Variants in KDM7A observed in about 807,000 individuals in gnomAD.
KDM7A encodes the protein lysine demethylase 7A.
KDM7A carries 28 observed loss-of-function variants against 114.8 expected under a neutral mutation model. That is an observed-to-expected ratio of 0.24 (90% CI 0.18 to 0.33). The LOEUF (loss-of-function observed/expected upper bound fraction) is 0.33. Among genes scored for constraint, KDM7A ranks in the 10% least tolerant of loss-of-function variants. The probability of loss-of-function intolerance (pLI) is 1.00; values close to 1 mark genes in which losing one functional copy is unlikely to be tolerated. For synonymous variants in KDM7A, 423 were observed against 397.8 expected, an observed-to-expected ratio of 1.06 and a Z score of -0.75; for missense variants, 942 against 1,142.5, an observed-to-expected ratio of 0.82 and a Z score of 2.53.
chr7:140,129,897 C>T (rs115331015), intron 3 of KDM7A, among the ~76,000 whole-genome samples: 2 of 151,910 alleles, frequency 1.3e-5, no homozygotes, highest in East Asian at 3.9e-4. Flanking sequence ...ATAAACTGGT[C>T]TAAATGCAAA....
rs570749966 is a variant in KDM7A at position 140,127,761 on chromosome 7, A to G, written c.560-178T>C. Reference sequence around the variant, plus strand: ...AGTTCAACTGGACCTTTCAGGAAAAAAGGGACATTTTTCAGAGGAAAAGGA... The same window carrying G: ...AGTTCAACTGGACCTTTCAGGAAAAGAGGGACATTTTTCAGAGGAAAAGGA... On this transcript the variant is annotated intron_variant, in intron 4 of 19. Transcript: ENST00000397560. Among the ~76,000 whole-genome samples, 3 of 152,340 alleles carry G rather than the reference A, an allele frequency of 2.0e-5. No individual in the cohort carries two copies. In the South Asian group the frequency reaches 6.2e-4, roughly 32 times the overall value.
At position 140,090,902 on chromosome 7, in the gene KDM7A, C is replaced by G. The variant is rs575936072; in HGVS notation, c.*192G>C. 32 of 561,522 alleles carry G rather than the reference C, an allele frequency of 5.7e-5. No homozygotes were observed. The East Asian group carries it at 7.3e-4, about 13-fold the overall frequency. The allele number at this position is 561,522 out of a possible 1,614,324, so 34.8% of individuals were successfully genotyped here. A position where few individuals can be genotyped will look rare whatever the true frequency, so the allele number is the denominator to read the frequency against. On this transcript the variant is annotated 3_prime_UTR_variant, in exon 20 of 20. Coordinates refer to ENST00000397560, the MANE Select transcript of KDM7A (RefSeq NM_030647.2). ...TTCTACCCTCCTTCTTCCTCTCCCC[C>G]ACCAGGTCCAAAATGGTTATTGCTG...
chr7:140,172,820 T>C (rs1794660592), intron 1 of KDM7A, among the ~76,000 whole-genome samples: 1 of 152,206 alleles, frequency 6.6e-6, no homozygotes, highest in Non-Finnish European at 1.5e-5. Flanking sequence ...ATGGAATGCA[T>C]AGAAAGAATT....
intron 1 of KDM7A, among the ~76,000 whole-genome samples, chr7:140,161,012 G>A (rs1794512955): frequency 6.6e-6 from 1 of 152,012 alleles, no homozygotes; most frequent in Non-Finnish European, 1.5e-5. Flanking sequence ...CAAAACAACA[G>A]GCACACAAAG....
At chr7:140,156,771 A>G (rs1794462234) in intron 1 of KDM7A, among the ~76,000 whole-genome samples, 1 of 152,248 alleles carries the variant, frequency 6.6e-6, no homozygotes, top group South Asian at 2.1e-4. Context: ...ACCAAGTATC[A>G]GGTGCTTTCA....
Position 140,089,485 on chromosome 7 carries a change from G to A in KDM7A, c.*1609C>T, listed in dbSNP as rs1159836416. ...AGGGTAAGTCCTGCTATCTTGCTGA[G>A]TAAAAAAAAGACAAATCCATAATAT... On this transcript the variant is annotated 3_prime_UTR_variant, in exon 20 of 20. Coordinates refer to ENST00000397560, the MANE Select transcript of KDM7A (RefSeq NM_030647.2). 2.0e-5 allele frequency: 3 copies of A among 151,838 alleles called. No individual in the cohort carries two copies. The highest frequency in any genetic ancestry group is 2.9e-5 in the Non-Finnish European group (2 of 67,976). The allele number at this position is 151,838 out of a possible 1,614,324, so 9.4% of individuals were successfully genotyped here.
intron 1 of KDM7A, among the ~76,000 whole-genome samples, chr7:140,150,596 A>G (rs1041751759): frequency 2.0e-5 from 3 of 152,194 alleles, no homozygotes; most frequent in East Asian, 1.9e-4. Context: ...AATGCAAGGT[A>G]TATGTCTGGA....
intron 11 of KDM7A, among the ~76,000 whole-genome samples, chr7:140,103,459 C>A (rs901728713): frequency 2.6e-5 from 4 of 151,190 alleles, no homozygotes; most frequent in Non-Finnish European, 5.9e-5. Flanking sequence ...TTATCCCTCC[C>A]CCCCCCTCCA....
chr7:140,110,839 T>C (rs1319534722), intron 11 of KDM7A, among the ~76,000 whole-genome samples: 2 of 152,224 alleles, frequency 1.3e-5, no homozygotes, highest in Non-Finnish European at 2.9e-5. Flanking sequence ...ATACTCTGTA[T>C]TTTTGATTTT....
At chr7:140,171,827 G>C (rs1794646167) in intron 1 of KDM7A, among the ~76,000 whole-genome samples, 1 of 151,764 alleles carries the variant, frequency 6.6e-6, no homozygotes, top group African/African-American at 2.4e-5. Context: ...TTATGTGTGA[G>C]ATCCATTCAT....
At chr7:140,101,205 C>G (rs181010379) in intron 12 of KDM7A, among the ~76,000 whole-genome samples, 32 of 152,260 alleles carry the variant, frequency 2.1e-4, no homozygotes, top group Admixed American at 2.0e-3. Context: ...GCAGAGCTCA[C>G]TACAAAGTCA....
chr7:140,124,575 T>C (rs759988776), intron 7 of KDM7A, 46 bp downstream of exon 7: 10 of 1,464,454 alleles, frequency 6.8e-6, no homozygotes, highest in Admixed American at 2.2e-5. Context: ...GCCAACTCCA[T>C]GTGACTATCA....
chr7:140,111,293 G>T, intron 10 of KDM7A, 109 bp from the exon 11 acceptor site: 1 of 616,842 alleles, frequency 1.6e-6, no homozygotes, highest in Non-Finnish European at 2.8e-6. Context: ...TACAGACATC[G>T]CCAAATACTA....
At chr7:140,134,356 C>T (rs1029430910) in intron 2 of KDM7A, among the ~76,000 whole-genome samples, 3 of 152,140 alleles carry the variant, frequency 2.0e-5, no homozygotes, top group African/African-American at 7.2e-5. Context: ...GGTCACTTAA[C>T]ACCTATGGAT....
chr7:140,125,788 T>G (rs1818691397), intron 6 of KDM7A, among the ~76,000 whole-genome samples: 1 of 152,106 alleles, frequency 6.6e-6, no homozygotes, highest in African/African-American at 2.4e-5. Flanking sequence ...CAGGCTGGAG[T>G]GCAGTGGAGT....
At chr7:140,101,575 T>G (rs777489875) in intron 12 of KDM7A, among the ~76,000 whole-genome samples, 3 of 152,146 alleles carry the variant, frequency 2.0e-5, no homozygotes, top group African/African-American at 7.2e-5. Flanking sequence ...ACGCTTATCA[T>G]CTGAAATTGT....
chr7:140,111,618 T>G (rs1339917336), intron 10 of KDM7A, among the ~76,000 whole-genome samples: 5 of 152,242 alleles, frequency 3.3e-5, no homozygotes, highest in African/African-American at 1.2e-4. Flanking sequence ...TTGTACTTTT[T>G]TTTCTTTTAA....
chr7:140,151,139 C>T (rs887640324), intron 1 of KDM7A, among the ~76,000 whole-genome samples: 29 of 152,010 alleles, frequency 1.9e-4, no homozygotes, highest in African/African-American at 6.5e-4. Context: ...CCACAATAAC[C>T]TCTGTTCTTA....
At chr7:140,170,426 G>T (rs959577182) in intron 1 of KDM7A, among the ~76,000 whole-genome samples, 1 of 152,190 alleles carries the variant, frequency 6.6e-6, no homozygotes, top group African/African-American at 2.4e-5. Flanking sequence ...TCCTGAAGCT[G>T]GCTGCAGCCA....
Sources: gnomAD v4.1 joint callset for allele counts (sites outside exome capture counted in the v4.1 genomes callset) on GRCh38, gnomAD v4.1.1 for gene constraint, MANE v1.5 for transcripts, NCBI Gene and HGNC (gene_info 2026-07-23, HGNC 2026-07-21) for gene names.